Variants in CSRP1 observed in about 807,000 individuals in gnomAD.
The protein encoded by CSRP1 is cysteine and glycine-rich protein 1.
CSRP1 carries 16 observed loss-of-function variants against 25.4 expected under a neutral mutation model. The observed-to-expected ratio is 0.63, with a 90% CI of 0.43 to 0.96. The LOEUF is 0.96. CSRP1 is among the 40% of genes least tolerant of loss of function. The pLI, the probability that CSRP1 is intolerant of heterozygous loss-of-function variation, is 0.00. For synonymous variants in CSRP1, 97 were observed against 95.3 expected (o/e 1.02, Z -0.10); for missense variants, 212 against 243.6 (o/e 0.87, Z 0.86).
intron 1 of CSRP1, among the ~76,000 whole-genome samples, chr1:201,497,358 C>CAAAA (rs71564149): frequency 0.023 from 1,009 of 44,386 alleles, 109 homozygotes; most frequent in East Asian, 0.041. Flanking sequence ...GACTCTGTCT[C>CAAAA]AAAAAAAAAA....
chr1:201,505,304 C>T (rs1460602653), intron 1 of CSRP1, among the ~76,000 whole-genome samples: 1 of 152,178 alleles, frequency 6.6e-6, no homozygotes, highest in African/African-American at 2.4e-5. Context: ...ACTACACTCC[C>T]AGGCTGCAAC....
intron 1 of CSRP1, among the ~76,000 whole-genome samples, chr1:201,498,131 A>C (rs756010788): frequency 3.3e-5 from 5 of 152,212 alleles, no homozygotes; most frequent in Admixed American, 1.3e-4. Flanking sequence ...AGTCCAAGTG[A>C]TGCCTCAGGT....
chr1:201,497,988 C>T (rs552275863), intron 1 of CSRP1, among the ~76,000 whole-genome samples: 13 of 150,578 alleles, frequency 8.6e-5, no homozygotes, highest in South Asian at 4.2e-4. Context: ...CCAGCCCGGA[C>T]GACAGAGCAA....
intron 2 of CSRP1, chr1:201,492,855 G>A (rs1664382086): frequency 6.6e-6 from 1 of 152,466 alleles, no homozygotes; most frequent in East Asian, 1.9e-4. Flanking sequence ...CCAAGAGGGT[G>A]AAAAGTGTCA....
intron 3 of CSRP1, chr1:201,489,960 C>A: frequency 2.0e-6 from 1 of 504,202 alleles, no homozygotes; most frequent in Non-Finnish European, 3.5e-6. Flanking sequence ...ATGCACGCTC[C>A]TTGCAGGGAG....
Position 201,490,191 on chromosome 1 carries a change from C to G in CSRP1, c.266G>C (p.Gly89Ala), listed in dbSNP as rs760604523. 2 of 1,613,686 alleles carry G rather than the reference C, an allele frequency of 1.2e-6. No homozygotes were observed. The highest frequency in any genetic ancestry group is 4.5e-5 in the East Asian group (2 of 44,874). ...TLSTDKGESL[G>A]IKHEEAPGHR... Reference sequence around the variant, plus strand: ...TTTTACTCACTCCTCGTGCTTGATACCCAGCGACTCCCCCTTGTCAGTGCT... The same window carrying G: ...TTTTACTCACTCCTCGTGCTTGATAGCCAGCGACTCCCCCTTGTCAGTGCT... Residue 89 changes from glycine (G) to alanine (A), a missense_variant, in exon 3 of 6, where the codon GGT (glycine) becomes GCT (alanine). By Grantham distance (60) the Gly-to-Ala change is moderately conservative. Coordinates refer to ENST00000340006, the MANE Select transcript of CSRP1 (RefSeq NM_004078.3).
At chr1:201,485,590 A>T (rs941599266) in intron 4 of CSRP1, 23 of 565,518 alleles carry the variant, frequency 4.1e-5, no homozygotes, top group Middle Eastern at 4.7e-4. Flanking sequence ...CTTCCATGCT[A>T]TGTTGCAATG....
intron 1 of CSRP1, among the ~76,000 whole-genome samples, chr1:201,500,314 C>T (rs1664627470): frequency 6.6e-6 from 1 of 152,248 alleles, no homozygotes; most frequent in Non-Finnish European, 1.5e-5. Context: ...GACACAAAAG[C>T]CCTTCTCCCT....
chr1:201,489,879 C>CA (rs953880009), intron 3 of CSRP1: 12 of 270,204 alleles, frequency 4.4e-5, no homozygotes, highest in Admixed American at 9.6e-5. Flanking sequence ...CAAAAAAAAA[C>CA]AAAAAAAGAG....
intron 3 of CSRP1, 118 bp downstream of exon 3, chr1:201,490,058 A>G: frequency 2.0e-6 from 2 of 1,025,608 alleles, no homozygotes; most frequent in Middle Eastern, 2.8e-4. Flanking sequence ...CCTTTTAAAT[A>G]ACTGGTTTTC....
At position 201,489,078 on chromosome 1, in the gene CSRP1, C is replaced by T. The variant is rs940079311; in HGVS notation, c.282-94G>A. 1.6e-5 allele frequency: 25 copies of T among 1,518,340 alleles called. No homozygotes were observed. In the Admixed American group the frequency reaches 4.4e-4, roughly 27 times the overall value. 94.1% of individuals were successfully genotyped at this position (1,518,340 alleles called of 1,614,324 possible). A position where few individuals can be genotyped will look rare whatever the true frequency, so the allele number is the denominator to read the frequency against. ...GCATGACCCTACCTTCATCTCATGC[C>T]AGAGCAGCGCGCAATTCTCTCTGCC... is the stretch of plus-strand genomic sequence containing the variant. On this transcript the variant is annotated intron_variant, in intron 3 of 5. Coordinates refer to ENST00000340006, the MANE Select transcript of CSRP1 (RefSeq NM_004078.3).
In CSRP1 at chr1:201,490,196, C is replaced by T. The variant is rs375398062; in HGVS notation, c.261G>A (p.Ser87=). 2.4e-5 allele frequency: 39 copies of T among 1,613,586 alleles called. No homozygotes were observed. In the Admixed American group the frequency reaches 3.3e-4, roughly 14 times the overall value. Residue 87 remains serine (S), a synonymous_variant, in exon 3 of 6, where the codon TCG becomes TCA. Transcript: ENST00000340006. ...AGTLSTDKGE[S]LGIKHEEAPG... ...CTCACTCCTCGTGCTTGATACCCAG[C>T]GACTCCCCCTTGTCAGTGCTGAGGG...
At chr1:201,501,923 T>C (rs924284902) in intron 1 of CSRP1, among the ~76,000 whole-genome samples, 1 of 151,936 alleles carries the variant, frequency 6.6e-6, no homozygotes, top group Non-Finnish European at 1.5e-5. Context: ...AAACAGGAGA[T>C]GGAGGTTGCA....
At chr1:201,496,099 T>A in intron 2 of CSRP1, 93 bp downstream of exon 2, 2 of 903,666 alleles carry the variant, frequency 2.2e-6, no homozygotes, top group Admixed American at 3.6e-5. Context: ...TCCCATGGGA[T>A]CAGTTCCCTG....
Position 201,490,196 on chromosome 1 carries a change from C to A in CSRP1, c.261G>T (p.Ser87=), listed in dbSNP as rs375398062. 6.2e-7 allele frequency: 1 copy of A among 1,613,586 alleles called. No individual in the cohort carries two copies. The highest frequency in any genetic ancestry group is 1.3e-5 in the African/African-American group (1 of 74,902). Residue 87 remains serine (S), a synonymous_variant, in exon 3 of 6, where the codon TCG becomes TCT. Transcript: ENST00000340006. ...CTCACTCCTCGTGCTTGATACCCAG[C>A]GACTCCCCCTTGTCAGTGCTGAGGG... ...AGTLSTDKGE[S]LGIKHEEAPG...
chr1:201,493,782 C>T (rs949677944), intron 2 of CSRP1, among the ~76,000 whole-genome samples: 1 of 152,180 alleles, frequency 6.6e-6, no homozygotes. Flanking sequence ...CTCCCTTCCT[C>T]GGGAGGGAAA....
At chr1:201,490,437 C>G in intron 2 of CSRP1, 93 bp from the exon 3 acceptor site, 1 of 1,292,766 alleles carries the variant, frequency 7.7e-7, no homozygotes, top group Non-Finnish European at 1.1e-6. Flanking sequence ...GCTCTCTGGC[C>G]TCTTTGCATA....
intron 1 of CSRP1, among the ~76,000 whole-genome samples, chr1:201,503,270 G>A (rs1385573215): frequency 6.6e-6 from 1 of 152,150 alleles, no homozygotes; most frequent in Non-Finnish European, 1.5e-5. Flanking sequence ...TTAACAGATG[G>A]GGTTTCCTTG....
At chr1:201,503,362 A>T (rs1557977657) in intron 1 of CSRP1, among the ~76,000 whole-genome samples, 2 of 152,322 alleles carry the variant, frequency 1.3e-5, no homozygotes, top group East Asian at 3.9e-4. Context: ...TTAATTTTTT[A>T]CAAGTTAAAA....
Sources: allele counts gnomAD v4.1 joint callset (sites outside exome capture counted in the v4.1 genomes callset), GRCh38; gene constraint gnomAD v4.1.1; transcripts MANE v1.5; gene names NCBI Gene and HGNC (gene_info 2026-07-23, HGNC 2026-07-21).